GRIK4: variants seen among roughly 807,000 people sequenced by gnomAD.
GRIK4 encodes the protein glutamate ionotropic receptor kainate type subunit 4.
In GRIK4, 40 loss-of-function variants were observed where a neutral mutation model predicts 104.9. The observed-to-expected ratio is 0.38, with a 90% confidence interval of 0.30 to 0.50. The LOEUF (loss-of-function observed/expected upper bound fraction) is 0.50, where lower values mean the gene tolerates loss of function less well. Among genes scored for constraint, GRIK4 ranks in the 20% least tolerant of loss-of-function variants. The pLI is 0.93. For missense variants in GRIK4, 1,047 were observed against 1,308.1 expected, an observed-to-expected ratio of 0.80 and a Z score of 3.08; for synonymous variants, 485 against 524.9, an observed-to-expected ratio of 0.92 and a Z score of 1.04.
At chr11:120,768,031 GTT>G (rs111604415) in intron 3 of GRIK4, among the ~76,000 whole-genome samples, 5 of 141,688 alleles carry the variant, frequency 3.5e-5, no homozygotes, top group African/African-American at 1.0e-4. Flanking sequence ...GATATTAAGG[GTT>G]TTTTTTTTTT....
chr11:120,670,372 A>G (rs547689969), intron 3 of GRIK4, among the ~76,000 whole-genome samples: 11 of 152,350 alleles, frequency 7.2e-5, no homozygotes, highest in African/African-American at 2.2e-4. Context: ...CCATGTCAGA[A>G]TAAAAGATGA....
At chr11:120,567,633 G>A (rs1948347346) in intron 1 of GRIK4, among the ~76,000 whole-genome samples, 1 of 152,238 alleles carries the variant, frequency 6.6e-6, no homozygotes, top group Non-Finnish European at 1.5e-5. Context: ...ACCACAGAGA[G>A]TGGCCAGCAC....
chr11:120,626,352 G>T (rs754475741), intron 1 of GRIK4, among the ~76,000 whole-genome samples: 1 of 152,126 alleles, frequency 6.6e-6, no homozygotes, highest in Admixed American at 6.5e-5. Context: ...ATTTAGATGC[G>T]ACCTCAGAAA....
chr11:120,565,208 G>C (rs1948305353), intron 1 of GRIK4, among the ~76,000 whole-genome samples: 8 of 152,230 alleles, frequency 5.3e-5, no homozygotes, highest in Admixed American at 5.2e-4. Flanking sequence ...CCGCCACGCG[G>C]GACTGCCTGC....
At chr11:120,931,287 G>T (rs1183555199) in intron 13 of GRIK4, among the ~76,000 whole-genome samples, 1 of 152,146 alleles carries the variant, frequency 6.6e-6, no homozygotes, top group African/African-American at 2.4e-5. Flanking sequence ...AGGGACTGGA[G>T]AGAATGGCAG....
At chr11:120,744,950 T>C (rs1012485293) in intron 3 of GRIK4, among the ~76,000 whole-genome samples, 2 of 152,208 alleles carry the variant, frequency 1.3e-5, no homozygotes, top group Non-Finnish European at 2.9e-5. Flanking sequence ...GCTTGGAAAT[T>C]GATAGAAAAA....
At chr11:120,676,698 C>G (rs1032144653) in intron 3 of GRIK4, among the ~76,000 whole-genome samples, 1 of 152,218 alleles carries the variant, frequency 6.6e-6, no homozygotes, top group Non-Finnish European at 1.5e-5. Context: ...AATCCACCCC[C>G]ACAACCCAAA....
chr11:120,614,798 G>A (rs574251827), intron 1 of GRIK4, among the ~76,000 whole-genome samples: 70 of 152,298 alleles, frequency 4.6e-4, no homozygotes, highest in Non-Finnish European at 9.0e-4. Context: ...AGGAGATCGA[G>A]ACCATCCTGG....
At chr11:120,765,019 G>A (rs1021925226) in intron 3 of GRIK4, among the ~76,000 whole-genome samples, 5 of 152,164 alleles carry the variant, frequency 3.3e-5, no homozygotes, top group Admixed American at 6.5e-5. Flanking sequence ...CTATGTTGGG[G>A]AACTTCTCCT....
chr11:120,571,542 A>C (rs544876182), intron 1 of GRIK4, among the ~76,000 whole-genome samples: 2 of 152,222 alleles, frequency 1.3e-5, no homozygotes, highest in South Asian at 4.1e-4. Flanking sequence ...TTGTGACTCA[A>C]ACCCAGGTCT....
chr11:120,708,782 T>C (rs2135348508), intron 3 of GRIK4, among the ~76,000 whole-genome samples: 1 of 152,292 alleles, frequency 6.6e-6, no homozygotes, highest in South Asian at 2.1e-4. Flanking sequence ...GTCTTTGCTT[T>C]GCGCAGGGCC....
At chr11:120,597,109 C>T (rs1358997322) in intron 1 of GRIK4, among the ~76,000 whole-genome samples, 6 of 152,228 alleles carry the variant, frequency 3.9e-5, no homozygotes, top group African/African-American at 1.4e-4. Context: ...CTGGCTTAGT[C>T]AACGGCTGCT....
chr11:120,752,895 G>T (rs1401644623), intron 3 of GRIK4, among the ~76,000 whole-genome samples: 1 of 152,234 alleles, frequency 6.6e-6, no homozygotes, highest in Non-Finnish European at 1.5e-5. Flanking sequence ...GTCAGAGGAG[G>T]CTCCCTCCAA....
At chr11:120,655,946 A>G (rs962131244) in intron 2 of GRIK4, among the ~76,000 whole-genome samples, 17 of 152,158 alleles carry the variant, frequency 1.1e-4, no homozygotes, top group Admixed American at 7.2e-4. Flanking sequence ...ATGTGCGGTC[A>G]TAAGTCTGGG....
At chr11:120,657,290 T>C (rs1187377313) in intron 2 of GRIK4, among the ~76,000 whole-genome samples, 1 of 152,218 alleles carries the variant, frequency 6.6e-6, no homozygotes, top group African/African-American at 2.4e-5. Context: ...TAATCAACTT[T>C]ATCCATAATA....
At chr11:120,681,883 C>T (rs946483688) in intron 3 of GRIK4, among the ~76,000 whole-genome samples, 36 of 152,288 alleles carry the variant, frequency 2.4e-4, no homozygotes, top group Middle Eastern at 3.4e-3. Context: ...AGAAGTGCTC[C>T]GGGTAAAGGC....
chr11:120,845,981 C>T (rs1261688153), intron 8 of GRIK4, among the ~76,000 whole-genome samples: 4 of 152,300 alleles, frequency 2.6e-5, no homozygotes, highest in Admixed American at 2.0e-4. Flanking sequence ...GTCTCCTGGG[C>T]GTGCTTGGGC....
intron 1 of GRIK4, among the ~76,000 whole-genome samples, chr11:120,626,902 T>C (rs1435134933): frequency 6.6e-6 from 1 of 152,170 alleles, no homozygotes; most frequent in East Asian, 1.9e-4. Flanking sequence ...CATGGCTTGA[T>C]GTGATTGACA....
At chr11:120,529,811 T>A (rs145926303) in intron 1 of GRIK4, among the ~76,000 whole-genome samples, 2 of 152,324 alleles carry the variant, frequency 1.3e-5, no homozygotes, top group East Asian at 3.9e-4. Context: ...CAAAGGTGCT[T>A]TCACATCCAG....
Sources: allele counts gnomAD v4.1 joint callset (sites outside exome capture counted in the v4.1 genomes callset), GRCh38; gene constraint gnomAD v4.1.1; transcripts MANE v1.5; gene names NCBI Gene and HGNC (gene_info 2026-07-23, HGNC 2026-07-21).